The following GPATCH2 variants were observed in gnomAD, a reference collection of about 807,000 sequenced individuals.
The protein encoded by GPATCH2 is G patch domain-containing protein 2.
Under a neutral mutation model 58.0 loss-of-function variants are expected in GPATCH2, and 51 were observed. The ratio of observed to expected loss-of-function variants is 0.88; its 90% CI spans 0.70 to 1.11. The LOEUF (loss-of-function observed/expected upper bound fraction) is 1.11, where lower values mean the gene tolerates loss of function less well. Ranked by LOEUF, GPATCH2 falls within the 50% of genes most tolerant of loss-of-function variation. GPATCH2 has a pLI of 0.00. For synonymous variants in GPATCH2, 222 were observed against 218.5 expected, an observed-to-expected ratio of 1.02 and a Z score of -0.14; for missense variants, 625 against 652.2, an observed-to-expected ratio of 0.96 and a Z score of 0.45.
intron 9 of GPATCH2, among the ~76,000 whole-genome samples, chr1:217,434,694 A>T (rs1355549072): frequency 6.6e-6 from 1 of 152,192 alleles, no homozygotes; most frequent in Non-Finnish European, 1.5e-5. Flanking sequence ...AAATATTTCT[A>T]AAAAACTGCT....
chr1:217,513,337 C>G (rs911963566), intron 6 of GPATCH2, among the ~76,000 whole-genome samples: 1 of 151,854 alleles, frequency 6.6e-6, no homozygotes, highest in Non-Finnish European at 1.5e-5. Context: ...ATTCTATAGT[C>G]TATGCATCAA....
rs1658412856 is a variant in GPATCH2, at chr1:217,428,843, C to G, written c.*2302G>C. 1 of 152,130 alleles carries G rather than the reference C, an allele frequency of 6.6e-6. No individual in the cohort carries two copies. The highest frequency in any genetic ancestry group is 2.4e-5 in the African/African-American group (1 of 41,414). The allele number at this position is 152,130 out of a possible 1,614,324, so 9.4% of individuals were successfully genotyped here. Reference sequence around the variant, plus strand: ...TCAGAAGATTTGTACCTGTCCAGAACAGCAACAATAAAGAGCACTCATAAG... The same window carrying G: ...TCAGAAGATTTGTACCTGTCCAGAAGAGCAACAATAAAGAGCACTCATAAG... On this transcript the variant is annotated 3_prime_UTR_variant, in exon 10 of 10. Transcript: ENST00000366935.
At chr1:217,532,472 G>A (rs1221940432) in intron 5 of GPATCH2, among the ~76,000 whole-genome samples, 1 of 152,138 alleles carries the variant, frequency 6.6e-6, no homozygotes, top group African/African-American at 2.4e-5. Context: ...TGTATACTGA[G>A]CAAGGAAGAG....
chr1:217,625,086 T>C (rs1020092227), intron 1 of GPATCH2, among the ~76,000 whole-genome samples: 1 of 152,206 alleles, frequency 6.6e-6, no homozygotes. Context: ...CAAGATTTGA[T>C]ATGCAAGCTT....
At chr1:217,468,584 T>G (rs1006607846) in intron 8 of GPATCH2, among the ~76,000 whole-genome samples, 11 of 142,858 alleles carry the variant, frequency 7.7e-5, no homozygotes, top group African/African-American at 2.4e-4. Flanking sequence ...GAAAGAGAGA[T>G]AGAAGAGAGA....
chr1:217,591,882 TA>T (rs1229196533), intron 5 of GPATCH2, among the ~76,000 whole-genome samples: 1 of 152,074 alleles, frequency 6.6e-6, no homozygotes, highest in Non-Finnish European at 1.5e-5. Context: ...GAAGTACACA[TA>T]AGTCAGATTA....
chr1:217,609,915 A>T, intron 5 of GPATCH2: 1 of 1,137,176 alleles, frequency 8.8e-7, no homozygotes, highest in Non-Finnish European at 1.1e-6. Context: ...AAAAATATAT[A>T]ATTTACAGTA....
rs747978396 is a variant in GPATCH2, at chr1:217,498,359, G to A, written c.1203C>T (p.Asp401=). ...WFSPGARTEH[D]QHQLLRDNRA... is the part of the protein sequence containing the mutation. ...TTTGGATTACAATGGTCCTTACCTG[G>A]TCATGCTCTGTCCTAGCCCCAGGGC... Residue 401 remains aspartate (D), a synonymous_variant, in exon 7 of 10, where the codon GAC becomes GAT. Transcript: ENST00000366935. The A allele has an allele frequency of 1.9e-6, 3 of 1,611,530 alleles. No individual in the cohort carries two copies. Among genetic ancestry groups the A allele is most frequent in the Non-Finnish European group, 2.5e-6 (3 of 1,177,738 alleles).
chr1:217,513,121 C>T (rs1391199669), intron 6 of GPATCH2, among the ~76,000 whole-genome samples: 1 of 152,130 alleles, frequency 6.6e-6, no homozygotes, highest in Non-Finnish European at 1.5e-5. Flanking sequence ...GATACCCCAT[C>T]TCTACTAAAA....
At chr1:217,531,066 C>T (rs1664163948) in intron 5 of GPATCH2, among the ~76,000 whole-genome samples, 1 of 97,544 alleles carries the variant, frequency 1.0e-5, no homozygotes, top group Admixed American at 1.2e-4. Context: ...CACACACACA[C>T]ACACACTTTA....
rs199822185 is a variant in GPATCH2 at position 217,631,009 on chromosome 1, C to A, written c.-38G>T. 4 of 1,554,072 alleles carry A rather than the reference C, an allele frequency of 2.6e-6. No homozygotes were observed. The highest frequency in any genetic ancestry group is 2.3e-5 in the East Asian group (1 of 42,662). On this transcript the variant is annotated 5_prime_UTR_variant, in exon 1 of 10. Coordinates refer to ENST00000366935, the MANE Select transcript of GPATCH2 (RefSeq NM_018040.5). Reference sequence around the variant, plus strand: ...GGAGCCTGGCCTCGAAGCTCAGGCCCGTGAACAGACTCCAACTACAACAGC... The same window carrying A: ...GGAGCCTGGCCTCGAAGCTCAGGCCAGTGAACAGACTCCAACTACAACAGC...
chr1:217,464,841 C>G (rs1660369364), intron 8 of GPATCH2, among the ~76,000 whole-genome samples: 1 of 152,070 alleles, frequency 6.6e-6, no homozygotes, highest in Non-Finnish European at 1.5e-5. Flanking sequence ...TCATTCAGAA[C>G]AGTGTTGCAG....
chr1:217,490,357 G>A (rs549527006), intron 8 of GPATCH2, among the ~76,000 whole-genome samples: 7 of 152,092 alleles, frequency 4.6e-5, no homozygotes, highest in South Asian at 2.1e-4. Flanking sequence ...TTTATTTATC[G>A]TGCATGTTAT....
intron 9 of GPATCH2, among the ~76,000 whole-genome samples, chr1:217,431,649 G>C (rs74142449): frequency 0.012 from 1,774 of 152,228 alleles, 14 homozygotes; most frequent in African/African-American, 0.022. Context: ...AACCTACATT[G>C]CCTATCTCAC....
intron 9 of GPATCH2, among the ~76,000 whole-genome samples, chr1:217,435,243 T>G (rs971046210): frequency 6.6e-6 from 1 of 152,174 alleles, no homozygotes; most frequent in African/African-American, 2.4e-5. Context: ...GCAATACATC[T>G]CCTACTAACC....
At chr1:217,597,511 AC>A (rs1185515951) in intron 5 of GPATCH2, among the ~76,000 whole-genome samples, 1 of 152,008 alleles carries the variant, frequency 6.6e-6, no homozygotes, top group Non-Finnish European at 1.5e-5. Context: ...GGCTCTAGAT[AC>A]CTCTTAAACA....
At chr1:217,532,323 T>C (rs1664232970) in intron 5 of GPATCH2, among the ~76,000 whole-genome samples, 1 of 152,192 alleles carries the variant, frequency 6.6e-6, no homozygotes, top group African/African-American at 2.4e-5. Context: ...CTAATTATTA[T>C]CTCAATCTTA....
intron 9 of GPATCH2, among the ~76,000 whole-genome samples, chr1:217,443,757 G>A (rs1475339796): frequency 3.3e-5 from 5 of 151,818 alleles, no homozygotes; most frequent in African/African-American, 7.3e-5. Flanking sequence ...TTCAGATCTC[G>A]CCTAAAATTC....
rs184663118 is a variant in GPATCH2, at chr1:217,615,468, A to G, written c.774-1266T>C. Among the ~76,000 whole-genome samples, 265 of 152,218 alleles carry G rather than the reference A, an allele frequency of 1.7e-3. 1 individual carries two copies. Among genetic ancestry groups the G allele is most frequent in the Non-Finnish European group, 2.0e-3 (139 of 67,972 alleles). On this transcript the variant is annotated intron_variant, in intron 2 of 9. Coordinates refer to ENST00000366935, the MANE Select transcript of GPATCH2 (RefSeq NM_018040.5). ...TATTTACAAATATATATGCTCTTCT[A>G]TGCACTATAATGTGAGAGTGTTAAA...
Sources: allele counts gnomAD v4.1 joint callset (sites outside exome capture counted in the v4.1 genomes callset), GRCh38; gene constraint gnomAD v4.1.1; transcripts MANE v1.5; gene names NCBI Gene and HGNC (gene_info 2026-07-23, HGNC 2026-07-21).